Variants in CCDC88C observed in about 807,000 individuals in gnomAD.
CCDC88C encodes protein Daple.
CCDC88C carries 131 observed loss-of-function variants against 198.8 expected under a neutral mutation model. The ratio of observed to expected loss-of-function variants is 0.66; its 90% CI spans 0.57 to 0.76. The LOEUF (loss-of-function observed/expected upper bound fraction) is 0.76. Ranked by LOEUF, CCDC88C falls within the 30% of genes least tolerant of loss-of-function variation. The pLI, the probability that CCDC88C is intolerant of heterozygous loss-of-function variation, is 0.00. For synonymous variants in CCDC88C, 1,166 were observed against 1,114.7 expected, an observed-to-expected ratio of 1.05 and a Z score of -0.92; for missense variants, 2,553 against 2,631.6, an observed-to-expected ratio of 0.97 and a Z score of 0.65.
At chr14:91,350,666 T>C (rs1412989049) in intron 4 of CCDC88C, among the ~76,000 whole-genome samples, 3 of 152,052 alleles carry the variant, frequency 2.0e-5, no homozygotes, top group Admixed American at 2.0e-4. Context: ...GATAAAGCAG[T>C]GAAACTGATT....
rs769366712 is a variant in CCDC88C, at chr14:91,339,382, G to A, written c.705C>T (p.Asp235=). 1 of 1,613,754 alleles carries A rather than the reference G, an allele frequency of 6.2e-7. No individual in the cohort carries two copies. The highest frequency in any genetic ancestry group is 8.5e-7 in the Non-Finnish European group (1 of 1,179,810). ...GGCTGCTGGTGGGGCTGGGAGTGGAGTCGGCGCTGGAGGACTTGATGGGGC... is the reference window on the plus strand; with the variant it reads ...GGCTGCTGGTGGGGCTGGGAGTGGAATCGGCGCTGGAGGACTTGATGGGGC... ...PPSPIKSSSA[D]STPSPTSSLS... is the part of the protein sequence containing the mutation. The change falls in exon 8 of 30, where the codon GAC becomes GAT. Residue 235 remains aspartate, a synonymous_variant. Coordinates refer to ENST00000389857, the MANE Select transcript of CCDC88C (RefSeq NM_001080414.4). The surrounding 1 kb of genome is among the most constrained non-coding windows in gnomAD (Gnocchi z 5.8).
chr14:91,285,773 G>A (rs2139733670), intron 25 of CCDC88C: 3 of 1,289,150 alleles, frequency 2.3e-6, no homozygotes, highest in East Asian at 5.5e-5. Flanking sequence ...TGGGTGGGTC[G>A]TTGGAGACTT....
rs551721313 is a variant in CCDC88C, at chr14:91,293,656, CCT to C, written c.4112+515_4112+516del. ...GGGGTAGCTGTGGACTTCAACTCCC[CCT>C]GTTTTTTTTCCATGCTTCATGTAAC... On this transcript the variant is annotated intron_variant, in intron 23 of 29. Transcript: ENST00000389857. Among the ~76,000 whole-genome samples, 62 of 152,092 alleles carry C rather than the reference CCT, an allele frequency of 4.1e-4. No individual in the cohort carries two copies. In the East Asian group the frequency reaches 7.7e-3, roughly 19 times the overall value.
intron 10 of CCDC88C, among the ~76,000 whole-genome samples, chr14:91,332,504 T>C (rs1326252537): frequency 6.6e-6 from 1 of 152,210 alleles, no homozygotes; most frequent in Non-Finnish European, 1.5e-5. Context: ...AATCTGCCCT[T>C]GCCCTGAAGC....
chr14:91,274,341 G>T (rs1889869323), intron 29 of CCDC88C, among the ~76,000 whole-genome samples: 1 of 152,222 alleles, frequency 6.6e-6, no homozygotes, highest in African/African-American at 2.4e-5. Flanking sequence ...CTGCCGCCCG[G>T]GCTGTGCTTC....
rs1893855779 is a variant in CCDC88C at position 91,352,424 on chromosome 14, C to A, written c.340+7218G>T. On this transcript the variant is annotated intron_variant, in intron 4 of 29. Transcript: ENST00000389857. The surrounding 1 kb of genome is among the most constrained non-coding windows in gnomAD (Gnocchi z 4.2). The stretch of plus-strand genomic sequence containing the variant: ...CCCCAGCACCGCACGTGGACTGGAG[C>A]CCTCATTTCCGGATCCAACAAGCAG... Among the ~76,000 whole-genome samples, 1 of 151,980 alleles carries A rather than the reference C, an allele frequency of 6.6e-6. No individual in the cohort carries two copies. The highest frequency in any genetic ancestry group is 2.4e-5 in the African/African-American group (1 of 41,354).
Position 91,289,196 on chromosome 14 carries a change from C to T in CCDC88C, c.4350G>A (p.Pro1450=), listed in dbSNP as rs200261539. 74 of 1,613,956 alleles carry T rather than the reference C, an allele frequency of 4.6e-5. No individual in the cohort carries two copies. Among genetic ancestry groups the T allele is most frequent in the East Asian group, 8.9e-5 (4 of 44,878 alleles). The change falls in exon 25 of 30, where the codon CCG becomes CCA. Residue 1450 remains proline, a synonymous_variant. Coordinates refer to ENST00000389857, the MANE Select transcript of CCDC88C (RefSeq NM_001080414.4). ...SDPASPAASQ[P]LRSQAENPDT... ...CGGGGTTCTCGGCCTGTGATCTGAG[C>T]GGCTGAGAGGCCGCCGGCGAGGCGG...
chr14:91,292,888 C>T (rs1311330143), intron 23 of CCDC88C, among the ~76,000 whole-genome samples: 1 of 152,176 alleles, frequency 6.6e-6, no homozygotes, highest in Non-Finnish European at 1.5e-5. Context: ...GTATCCCTTC[C>T]AAAACAACTC....
intron 3 of CCDC88C, among the ~76,000 whole-genome samples, chr14:91,364,138 C>T (rs1382004705): frequency 1.3e-5 from 2 of 152,234 alleles, no homozygotes; most frequent in African/African-American, 2.4e-5. Context: ...GGGACACACA[C>T]CAGCCTCGCT....
intron 3 of CCDC88C, among the ~76,000 whole-genome samples, chr14:91,403,357 C>T (rs1319231138): frequency 2.0e-5 from 3 of 152,216 alleles, no homozygotes; most frequent in Non-Finnish European, 2.9e-5. Flanking sequence ...TGCTTCCCGC[C>T]ATACAAAGCC....
rs1892337137 is a variant in CCDC88C, at chr14:91,321,124, T to C, written c.1523A>G (p.Lys508Arg). 6.2e-7 allele frequency: 1 copy of C among 1,608,744 alleles called. No homozygotes were observed. Among genetic ancestry groups the C allele is most frequent in the African/African-American group, 1.3e-5 (1 of 74,760 alleles). The change falls in exon 13 of 30, where the codon AAG (lysine) becomes AGG (arginine). Residue 508 changes from lysine (K) to arginine (R), a missense_variant. Transcript: ENST00000389857. The stretch of plus-strand genomic sequence containing the variant: ...GGCCTAAGGAGGCCGAGGTACCTTC[T>C]TGCTGAGCTGGTGGTTCTCCTTCTC... ...ELEKENHQLS[K>R]KIEKLQTQLE...
In CCDC88C at chr14:91,289,360, G is replaced by A. The variant is rs1824456692; in HGVS notation, c.4203-17C>T. 1 of 1,608,662 alleles carries A rather than the reference G, an allele frequency of 6.2e-7. No individual in the cohort carries two copies. The highest frequency in any genetic ancestry group is 1.7e-5 in the Admixed American group (1 of 60,004). On this transcript the variant is annotated splice_polypyrimidine_tract_variant and intron_variant, in intron 24 of 29. Coordinates refer to ENST00000389857, the MANE Select transcript of CCDC88C (RefSeq NM_001080414.4). ...TGGTTCTTCCTGGTTAGAAGTAGAT[G>A]TTTAGGACATAGCCAGCCCTCCCAC...
In CCDC88C at chr14:91,278,592, T is replaced by C. The variant is rs76092344; in HGVS notation, c.4769-381A>G. ...CACATTCTGTCCCTAACACAAACCATACATGTTCCGAGAATCAAAATCCTC... is the reference window on the plus strand; with the variant it reads ...CACATTCTGTCCCTAACACAAACCACACATGTTCCGAGAATCAAAATCCTC... On this transcript the variant is annotated intron_variant, in intron 28 of 29. Coordinates refer to ENST00000389857, the MANE Select transcript of CCDC88C (RefSeq NM_001080414.4). Among the ~76,000 whole-genome samples the C allele has an allele frequency of 4.0e-4, 61 of 152,308 alleles. 1 individual carries two copies. In the East Asian group the frequency reaches 0.011, roughly 28 times the overall value.
intron 27 of CCDC88C, chr14:91,281,087 C>G: frequency 2.2e-6 from 1 of 454,554 alleles, no homozygotes; most frequent in Non-Finnish European, 4.4e-6. Flanking sequence ...AGACTAAATA[C>G]GCCTCAGAGC....
At chr14:91,400,539 A>G (rs751216964) in intron 3 of CCDC88C, among the ~76,000 whole-genome samples, 5 of 152,190 alleles carry the variant, frequency 3.3e-5, no homozygotes, top group Non-Finnish European at 5.9e-5. Flanking sequence ...CCCTGCCCCT[A>G]ATGGCTGCCT....
intron 27 of CCDC88C, 35 bp downstream of exon 27, chr14:91,281,422 C>T (rs1332255790): frequency 9.3e-6 from 15 of 1,612,674 alleles, no homozygotes; most frequent in African/African-American, 1.3e-5. Flanking sequence ...AGTCTGGAAA[C>T]CCAGGCTGGA....
At chr14:91,315,580 G>A in intron 14 of CCDC88C, 70 bp downstream of exon 14, 2 of 1,545,142 alleles carry the variant, frequency 1.3e-6, no homozygotes, top group South Asian at 2.3e-5. Context: ...TACCAGGAAT[G>A]GCTGTAATCC....
At chr14:91,294,445 G>T in intron 22 of CCDC88C, 127 bp from the exon 23 acceptor site, 1 of 1,124,472 alleles carries the variant, frequency 8.9e-7, no homozygotes, top group Non-Finnish European at 1.3e-6. Context: ...TACGCCAGTG[G>T]AAACTTGGAA....
chr14:91,344,444 TCCTTCC>T (rs1893434275), intron 4 of CCDC88C, among the ~76,000 whole-genome samples: 1 of 152,022 alleles, frequency 6.6e-6, no homozygotes, highest in Non-Finnish European at 1.5e-5. Context: ...ACCTGCCTCC[TCCTTCC>T]CCCTTTTAAG....
Sources: gnomAD v4.1 joint callset for allele counts (sites outside exome capture counted in the v4.1 genomes callset) on GRCh38, gnomAD v4.1.1 for gene constraint, Gnocchi (gnomAD v3.1) non-coding constraint, MANE v1.5 for transcripts, NCBI Gene and HGNC (gene_info 2026-07-23, HGNC 2026-07-21) for gene names.